The following DYNC1H1 variants were observed in gnomAD, a reference collection of about 807,000 sequenced individuals.
DYNC1H1 encodes the protein dynein cytoplasmic 1 heavy chain 1.
In DYNC1H1, 51 loss-of-function variants were observed where a neutral mutation model predicts 527.1. That is an observed-to-expected ratio of 0.10 (90% CI 0.08 to 0.12). The LOEUF (loss-of-function observed/expected upper bound fraction) is 0.12. Ranked by LOEUF, DYNC1H1 falls within the 10% of genes least tolerant of loss-of-function variation. The pLI is 1.00. For missense variants in DYNC1H1, 2,771 were observed against 5,971.8 expected, an observed-to-expected ratio of 0.46 and a Z score of 17.66; for synonymous variants, 2,189 against 2,278.8, an observed-to-expected ratio of 0.96 and a Z score of 1.12.
rs1270123444 is a variant in DYNC1H1, at chr14:102,038,775, G to T, written c.11133G>T (p.Gln3711His). ...FTVTRSSLQS[Q>H]CLNEVLKAER... ...TTACCCGTAGCAGTTTACAAAGCCA[G>T]TGTCTAAATGAAGTACTTAAAGCAG... Residue 3711 changes from glutamine to histidine, a missense_variant, in exon 59 of 78, where the codon CAG becomes CAT. By Grantham distance (24) the Gln-to-His change is conservative (BLOSUM62 0). Coordinates refer to ENST00000360184, the MANE Select transcript of DYNC1H1 (RefSeq NM_001376.5). This position sits in a 1 kb window ranked among gnomAD's most constrained non-coding sequence, Gnocchi z 7.2. 6.2e-7 allele frequency: 1 copy of T among 1,614,210 alleles called. No individual in the cohort carries two copies. The highest frequency in any genetic ancestry group is 8.5e-7 in the Non-Finnish European group (1 of 1,180,050).
intron 43 of DYNC1H1, among the ~76,000 whole-genome samples, chr14:102,025,565 GAAAAAAAAA>G (rs3067914): frequency 9.8e-6 from 1 of 102,342 alleles, no homozygotes; most frequent in Non-Finnish European, 1.9e-5. Flanking sequence ...CTGTCTCAAG[GAAAAAAAAA>G]AAAAAAAAAA....
chr14:101,997,667 C>A lies in DYNC1H1; in HGVS notation c.3804+393C>A, dbSNP rs2048079123. Among the ~76,000 whole-genome samples the A allele has an allele frequency of 6.6e-6, 1 of 152,164 alleles. No homozygotes were observed. The highest frequency in any genetic ancestry group is 2.4e-5 in the African/African-American group (1 of 41,432). On this transcript the variant is annotated intron_variant, in intron 16 of 77. Coordinates refer to ENST00000360184, the MANE Select transcript of DYNC1H1 (RefSeq NM_001376.5). This position sits in a 1 kb window ranked among gnomAD's most constrained non-coding sequence, Gnocchi z 4.8. ...GTGCTGCCAGTGGATTGTGGGGAGGCAGGTTCTGTTGTCTTCGTCATTGTA... is the reference window on the plus strand; with the variant it reads ...GTGCTGCCAGTGGATTGTGGGGAGGAAGGTTCTGTTGTCTTCGTCATTGTA...
chr14:101,998,274 G>A (rs973201668), intron 16 of DYNC1H1, among the ~76,000 whole-genome samples: 1 of 148,780 alleles, frequency 6.7e-6, no homozygotes, highest in Non-Finnish European at 1.5e-5. Context: ...CTCTATAAAC[G>A]CTGATCCGAT....
chr14:102,018,982 T>G lies in DYNC1H1; in HGVS notation c.8343+366T>G, dbSNP rs113685408. 1.3e-4 allele frequency among the ~76,000 whole-genome samples: 20 copies of G among 152,300 alleles called. No individual in the cohort carries two copies. Among genetic ancestry groups the G allele is most frequent in the African/African-American group, 4.8e-4 (20 of 41,562 alleles). ...ATGAGAAGTTTATTGAAATAAAGATTGGACTTTATTCAGAGATGTTATTGA... is the reference window on the plus strand; with the variant it reads ...ATGAGAAGTTTATTGAAATAAAGATGGGACTTTATTCAGAGATGTTATTGA... On this transcript the variant is annotated intron_variant, in intron 41 of 77. Transcript: ENST00000360184. This position sits in a 1 kb window ranked among gnomAD's most constrained non-coding sequence, Gnocchi z 5.2.
Position 102,036,655 on chromosome 14 carries a change from C to G in DYNC1H1, c.10908+13C>G. On this transcript the variant is annotated intron_variant, in intron 57 of 77. Transcript: ENST00000360184. This position sits in a 1 kb window ranked among gnomAD's most constrained non-coding sequence, Gnocchi z 5.6. ...CCTTCTGGTCCAGGTTGGTGTTGGC[C>G]TTTGAATTCTTGAAACACTGCATTC... The G allele has an allele frequency of 6.2e-7, 1 of 1,613,928 alleles. No homozygotes were observed. The highest frequency in any genetic ancestry group is 1.1e-5 in the South Asian group (1 of 91,040).
Position 102,036,397 on chromosome 14 carries a change from A to G in DYNC1H1, c.10755-92A>G, listed in dbSNP as rs570283583. The G allele has an allele frequency of 1.7e-5, 26 of 1,563,908 alleles. No individual in the cohort carries two copies. Among genetic ancestry groups the G allele is most frequent in the East Asian group, 6.7e-5 (3 of 44,536 alleles). ...CTCGGGTGGTGGTAACAGCCTATCA[A>G]TCAGGGTCTCTCATCAGGGACTCGG... On this transcript the variant is annotated intron_variant, in intron 56 of 77. Coordinates refer to ENST00000360184, the MANE Select transcript of DYNC1H1 (RefSeq NM_001376.5). The surrounding 1 kb of genome is among the most constrained non-coding windows in gnomAD (Gnocchi z 5.6).
In DYNC1H1 at chr14:101,980,474, G is replaced by A. The variant is rs34287672; in HGVS notation, c.885G>A (p.Pro295=). Residue 295 remains proline (P), a synonymous_variant, in exon 5 of 78, where the codon CCG becomes CCA. Transcript: ENST00000360184. ...LYRIQEKRES[P]EVLLTLDILK... ...GCATCCAGGAGAAACGGGAGAGCCCGGAAGTTCTCCTGACTCTGGATATCT... is the reference window on the plus strand; with the variant it reads ...GCATCCAGGAGAAACGGGAGAGCCCAGAAGTTCTCCTGACTCTGGATATCT... The A allele has an allele frequency of 7.2e-5, 116 of 1,614,170 alleles. 1 individual carries two copies. Among genetic ancestry groups the A allele is most frequent in the Middle Eastern group, 6.6e-4 (4 of 6,062 alleles).
rs59446522 is a variant in DYNC1H1, at chr14:101,973,199, A to ATT, written c.257-2498_257-2497dup. The stretch of plus-strand genomic sequence containing the variant: ...TTATTGTCTCTCGATAGATACACTA[A>ATT]TTTTTTTTTTTTTTTTGAGATCAAT... On this transcript the variant is annotated intron_variant, in intron 1 of 77. Coordinates refer to ENST00000360184, the MANE Select transcript of DYNC1H1 (RefSeq NM_001376.5). Among the ~76,000 whole-genome samples, 160 of 141,396 alleles carry ATT rather than the reference A, an allele frequency of 1.1e-3. 1 individual carries two copies. The highest frequency in any genetic ancestry group is 3.3e-3 in the East Asian group (16 of 4,890). 92.8% of individuals were successfully genotyped at this position (141,396 alleles called of 152,430 possible).
At chr14:101,995,429 G>A (rs1228965275) in intron 15 of DYNC1H1, 129 bp downstream of exon 15, 4 of 1,158,968 alleles carry the variant, frequency 3.5e-6, no homozygotes, top group African/African-American at 1.5e-5. Context: ...GGCTAACACG[G>A]TGAAATGCTG....
chr14:102,034,380 G>C lies in DYNC1H1; in HGVS notation c.10682G>C (p.Arg3561Pro), dbSNP rs1064796932. ...CTTTCCAATGCTGATGAGCGTCTTC[G>C]CTGGCAGGCCAGCTCCTTGCCTGCT... Reference protein sequence around the residue: ...EYLSNADERLRWQASSLPADD... With the variant: ...EYLSNADERLPWQASSLPADD... The change falls in exon 56 of 78, where the codon CGC becomes CCC. Residue 3561 changes from arginine to proline, a missense_variant. Around this residue, in one of 32 missense-constraint regions of DYNC1H1, gnomAD observed 283 missense variants for 737.6 expected, o/e 0.38. Transcript: ENST00000360184. The C allele has an allele frequency of 6.2e-7, 1 of 1,614,074 alleles. No individual in the cohort carries two copies. The highest frequency in any genetic ancestry group is 1.3e-5 in the African/African-American group (1 of 75,044).
chr14:102,039,735 A>G lies in DYNC1H1; in HGVS notation c.11690+3A>G, dbSNP rs1482293429. The G allele has an allele frequency of 1.2e-6, 2 of 1,614,068 alleles. No homozygotes were observed. Among genetic ancestry groups the G allele is most frequent in the African/African-American group, 1.3e-5 (1 of 74,942 alleles). On this transcript the variant is annotated splice_donor_region_variant and intron_variant, in intron 62 of 77. Transcript: ENST00000360184. The surrounding 1 kb of genome is among the most constrained non-coding windows in gnomAD (Gnocchi z 7.0). ...ATCAAACTGAAGGGCACCGTGGGGT[A>G]AGAGCACTCACGCCCACAGGAGGAT...
Position 102,010,627 on chromosome 14 carries a change from T to C in DYNC1H1, c.6406-113T>C, listed in dbSNP as rs1264975208. ...AGTCGAGTGCACGAATGTGGGCGAG[T>C]GGTGCTCGCACCCTTTGTTCACCAA... On this transcript the variant is annotated intron_variant, in intron 31 of 77. Coordinates refer to ENST00000360184, the MANE Select transcript of DYNC1H1 (RefSeq NM_001376.5). This position sits in a 1 kb window ranked among gnomAD's most constrained non-coding sequence, Gnocchi z 6.0. The C allele has an allele frequency of 6.0e-6, 9 of 1,506,850 alleles. No individual in the cohort carries two copies. Among genetic ancestry groups the C allele is most frequent in the Non-Finnish European group, 7.3e-6 (8 of 1,098,476 alleles). 93.3% of individuals were successfully genotyped at this position (1,506,850 alleles called of 1,614,324 possible).
chr14:101,983,522 G>A lies in DYNC1H1; in HGVS notation c.1374G>A (p.Lys458=). 1 of 1,614,222 alleles carries A rather than the reference G, an allele frequency of 6.2e-7. No individual in the cohort carries two copies. Among genetic ancestry groups the A allele is most frequent in the Non-Finnish European group, 8.5e-7 (1 of 1,180,046 alleles). ...GGCGTATCAACCCTGCCCACAGGAA[G>A]CTGCAGGCCCGCCTTGACCAGATGA... The part of the protein sequence containing the change: ...MVWRINPAHR[K]LQARLDQMRK... Residue 458 remains lysine, a synonymous_variant, in exon 7 of 78, where the codon AAG becomes AAA. Coordinates refer to ENST00000360184, the MANE Select transcript of DYNC1H1 (RefSeq NM_001376.5). This position sits in a 1 kb window ranked among gnomAD's most constrained non-coding sequence, Gnocchi z 5.3.
intron 29 of DYNC1H1, 192 bp from the exon 30 acceptor site, chr14:102,009,651 T>G (rs2152577264): frequency 1.3e-6 from 1 of 766,246 alleles, no homozygotes; most frequent in African/African-American, 1.8e-5. Flanking sequence ...TACATGGGAA[T>G]GGGTCCACCT....
rs200525912 is a variant in DYNC1H1, at chr14:102,034,436, C to G, written c.10738C>G (p.Leu3580Val). Residue 3580 changes from leucine to valine, a missense_variant, in exon 56 of 78, where the codon CTG becomes GTG. Coordinates refer to ENST00000360184, the MANE Select transcript of DYNC1H1 (RefSeq NM_001376.5). The part of the protein sequence containing the change: ...DDLCTENAIM[L>V]KRFNRYPLII... Reference sequence around the variant, plus strand: ...CCTTTGCACAGAAAATGCCATCATGCTGAAACGATTCAATAGGTATGAGCT... The same window carrying G: ...CCTTTGCACAGAAAATGCCATCATGGTGAAACGATTCAATAGGTATGAGCT... The G allele has an allele frequency of 6.2e-6, 10 of 1,613,048 alleles. No individual in the cohort carries two copies. The Admixed American group carries it at 1.7e-4, about 27-fold the overall frequency.
intron 64 of DYNC1H1, 151 bp downstream of exon 64, chr14:102,040,824 C>T (rs886729449): frequency 7.7e-5 from 67 of 874,672 alleles, no homozygotes; most frequent in South Asian, 1.0e-4. Flanking sequence ...CCAGGCGTGG[C>T]GGTGCACACC....
At chr14:102,031,524 C>T (rs553281084) in intron 51 of DYNC1H1, among the ~76,000 whole-genome samples, 2 of 152,328 alleles carry the variant, frequency 1.3e-5, no homozygotes, top group African/African-American at 4.8e-5. Context: ...GCCACTGTGC[C>T]TGGCAGCCAT....
chr14:102,009,812 T>C, intron 29 of DYNC1H1, 31 bp from the exon 30 acceptor site: 1 of 1,614,052 alleles, frequency 6.2e-7, no homozygotes. Flanking sequence ...TTTTAACATT[T>C]CTAGTCTTAA....
At position 102,012,687 on chromosome 14, in the gene DYNC1H1, C is replaced by T. The variant is rs2048271335; in HGVS notation, c.7014+217C>T. ...TTTAATAGGTTTTATTGATGGCTTT[C>T]TATCATTTATTGAGTAATAAGCACA... On this transcript the variant is annotated intron_variant, in intron 34 of 77. Transcript: ENST00000360184. This position sits in a 1 kb window ranked among gnomAD's most constrained non-coding sequence, Gnocchi z 4.9. 1 of 622,734 alleles carries T rather than the reference C, an allele frequency of 1.6e-6. No homozygotes were observed. The highest frequency in any genetic ancestry group is 1.8e-5 in the African/African-American group (1 of 54,446). 38.6% of individuals were successfully genotyped at this position (622,734 alleles called of 1,614,324 possible). A position where few individuals can be genotyped will look rare whatever the true frequency, so the allele number is the denominator to read the frequency against.
Sources: allele counts gnomAD v4.1 joint callset (sites outside exome capture counted in the v4.1 genomes callset), GRCh38; gene constraint gnomAD v4.1.1; regional missense constraint gnomAD v4.1.1; non-coding constraint Gnocchi (gnomAD v3.1); transcripts MANE v1.5; gene names NCBI Gene and HGNC (gene_info 2026-07-23, HGNC 2026-07-21).